Variants in HSD17B12 observed in about 807,000 individuals in gnomAD.
HSD17B12 encodes the protein very-long-chain 3-oxoacyl-CoA reductase.
In HSD17B12, 32 loss-of-function variants were observed where a neutral mutation model predicts 39.3. The observed-to-expected ratio is 0.81, with a 90% CI of 0.61 to 1.09. The LOEUF is 1.09. Among genes scored for constraint, HSD17B12 ranks in the 50% least tolerant of loss-of-function variants. The probability of loss-of-function intolerance (pLI) is 0.00; values close to 1 mark genes in which losing one functional copy is unlikely to be tolerated. For missense variants in HSD17B12, 342 were observed against 382.9 expected (o/e 0.89, Z 0.89); for synonymous variants, 150 against 146.7 (o/e 1.02, Z -0.16).
intron 3 of HSD17B12, among the ~76,000 whole-genome samples, chr11:43,760,861 T>G (rs1287848221): frequency 6.6e-6 from 1 of 152,202 alleles, no homozygotes; most frequent in East Asian, 1.9e-4. Flanking sequence ...ATGAGTCATA[T>G]TTTTAAAACT....
At chr11:43,733,882 TTC>T in intron 1 of HSD17B12, 1 of 680,068 alleles carries the variant, frequency 1.5e-6, no homozygotes, top group Non-Finnish European at 2.7e-6. Context: ...CTTTGACCAA[TTC>T]CATGGAGTAC....
upstream of HSD17B12, chr11:43,680,660 G>A (rs1949733156): frequency 4.6e-6 from 3 of 656,324 alleles, no homozygotes; most frequent in Admixed American, 2.5e-5. Context: ...GGGAAAGACG[G>A]GTCACCAATA....
chr11:43,709,257 C>T (rs866668334), intron 1 of HSD17B12, among the ~76,000 whole-genome samples: 18 of 152,288 alleles, frequency 1.2e-4, no homozygotes, highest in Middle Eastern at 6.8e-3. Flanking sequence ...TCCCGAGTAG[C>T]GGGGATTACA....
the HSD17B12 span, among the ~76,000 whole-genome samples, chr11:43,567,591 T>C: frequency 6.6e-6 from 1 of 152,200 alleles, no homozygotes; most frequent in Non-Finnish European, 1.5e-5. Flanking sequence ...CTACTGGCTC[T>C]TTGATAGAAA....
intron 6 of HSD17B12, among the ~76,000 whole-genome samples, chr11:43,823,026 TA>T: frequency 6.6e-6 from 1 of 152,286 alleles, no homozygotes. Context: ...TGAAATTTAA[TA>T]TTTTTATATT....
At chr11:43,649,857 C>G in the HSD17B12 span, among the ~76,000 whole-genome samples, 1 of 152,194 alleles carries the variant, frequency 6.6e-6, no homozygotes, top group Non-Finnish European at 1.5e-5. Flanking sequence ...TGTAATCACC[C>G]TGAAATCACT....
At chr11:43,772,652 G>A (rs938993469) in intron 3 of HSD17B12, among the ~76,000 whole-genome samples, 7 of 152,136 alleles carry the variant, frequency 4.6e-5, no homozygotes, top group Admixed American at 2.0e-4. Context: ...GTAAAATGCC[G>A]ATGTACTAGC....
At chr11:43,832,867 T>G (rs1265937184) in intron 7 of HSD17B12, among the ~76,000 whole-genome samples, 1 of 151,928 alleles carries the variant, frequency 6.6e-6, no homozygotes, top group Non-Finnish European at 1.5e-5. Context: ...TCATCTCTAC[T>G]AAAAGTACAA....
the HSD17B12 span, among the ~76,000 whole-genome samples, chr11:43,655,028 T>C: frequency 3.9e-5 from 6 of 152,226 alleles, no homozygotes; most frequent in African/African-American, 1.4e-4. Context: ...TGATTCTTCC[T>C]ACCCATGAGC....
chr11:43,754,673 T>C (rs1473513551), intron 3 of HSD17B12, among the ~76,000 whole-genome samples: 1 of 152,230 alleles, frequency 6.6e-6, no homozygotes, highest in Admixed American at 6.5e-5. Flanking sequence ...GTCTTGTCAG[T>C]AGTCAAATTA....
chr11:43,848,743 T>C (rs1951503066), intron 9 of HSD17B12, among the ~76,000 whole-genome samples: 1 of 152,188 alleles, frequency 6.6e-6, no homozygotes, highest in African/African-American at 2.4e-5. Flanking sequence ...TGAATCCAAG[T>C]TGGTCTGATT....
intron 1 of HSD17B12, among the ~76,000 whole-genome samples, chr11:43,736,905 T>C (rs1950321139): frequency 6.6e-6 from 1 of 152,242 alleles, no homozygotes; most frequent in African/African-American, 2.4e-5. Flanking sequence ...GAGACTGCTA[T>C]TTTTAGCAAC....
intron 3 of HSD17B12, among the ~76,000 whole-genome samples, chr11:43,794,366 T>C (rs1026381613): frequency 2.0e-5 from 3 of 152,208 alleles, no homozygotes; most frequent in Non-Finnish European, 4.4e-5. Flanking sequence ...GAATGCCACA[T>C]TGTCATTCTT....
chr11:43,822,727 A>G (rs1256535270), intron 6 of HSD17B12, among the ~76,000 whole-genome samples: 1 of 152,150 alleles, frequency 6.6e-6, no homozygotes, highest in Non-Finnish European at 1.5e-5. Flanking sequence ...AATCCAGTCT[A>G]TCATTGTTGG....
chr11:43,687,618 A>G (rs1349651816), intron 1 of HSD17B12, among the ~76,000 whole-genome samples: 1 of 152,212 alleles, frequency 6.6e-6, no homozygotes, highest in Non-Finnish European at 1.5e-5. Context: ...AGGAAAGGGC[A>G]GGGCCCTCAT....
intron 3 of HSD17B12, among the ~76,000 whole-genome samples, chr11:43,789,290 T>C (rs1402711971): frequency 6.6e-6 from 1 of 152,256 alleles, no homozygotes; most frequent in Non-Finnish European, 1.5e-5. Flanking sequence ...GTATTTGTTA[T>C]TGTCCTCAGG....
At chr11:43,562,827 A>G in the HSD17B12 span, among the ~76,000 whole-genome samples, 1 of 152,220 alleles carries the variant, frequency 6.6e-6, no homozygotes, top group Admixed American at 6.5e-5. Context: ...CACTTCAACT[A>G]GGAACTCAAC....
At chr11:43,731,399 A>G (rs921265881) in intron 1 of HSD17B12, among the ~76,000 whole-genome samples, 17 of 152,154 alleles carry the variant, frequency 1.1e-4, no homozygotes, top group Non-Finnish European at 2.5e-4. Flanking sequence ...ACCACTGAAG[A>G]TAAGTTAGCT....
intron 3 of HSD17B12, among the ~76,000 whole-genome samples, chr11:43,771,560 G>A (rs1183300737): frequency 2.2e-5 from 3 of 136,566 alleles, no homozygotes; most frequent in East Asian, 2.3e-4. Context: ...TCCACCTCCC[G>A]GGCTCAAGTG....
Sources: allele counts gnomAD v4.1 joint callset (sites outside exome capture counted in the v4.1 genomes callset), GRCh38; gene constraint gnomAD v4.1.1; transcripts MANE v1.5; gene names NCBI Gene and HGNC (gene_info 2026-07-23, HGNC 2026-07-21).